The following COLEC12 variants were observed in gnomAD, a reference collection of about 807,000 sequenced individuals.
The protein encoded by COLEC12 is collectin-12.
COLEC12 carries 33 observed loss-of-function variants against 71.1 expected under a neutral mutation model. That is an observed-to-expected ratio of 0.46 (90% CI 0.35 to 0.62). The LOEUF (loss-of-function observed/expected upper bound fraction) is 0.62, where lower values mean the gene tolerates loss of function less well. Ranked by LOEUF, COLEC12 falls within the 20% of genes least tolerant of loss-of-function variation. The pLI is 0.00. For missense variants in COLEC12, 765 were observed against 916.1 expected (o/e 0.84, Z 2.13); for synonymous variants, 350 against 353.0 (o/e 0.99, Z 0.10).
At chr18:474,645 C>T (rs760741534) in intron 2 of COLEC12, among the ~76,000 whole-genome samples, 5 of 152,188 alleles carry the variant, frequency 3.3e-5, no homozygotes, top group Non-Finnish European at 7.4e-5. Flanking sequence ...CGTTTAGGAG[C>T]TCCACCTGCC....
rs1598354318 is a variant in COLEC12, at chr18:408,954, T to TC, written c.59-51433dup. 6.6e-6 allele frequency among the ~76,000 whole-genome samples: 1 copy of TC among 152,124 alleles called. No individual in the cohort carries two copies. Among genetic ancestry groups the TC allele is most frequent in the Admixed American group, 6.5e-5 (1 of 15,278 alleles). ...TTCAAGTGATTCTCATGCCTCAGAC[T>TC]CCTGAGTAGCTGGTATTACAGGCAC... is the stretch of plus-strand genomic sequence containing the variant. On this transcript the variant is annotated intron_variant, in intron 2 of 9. Coordinates refer to ENST00000400256, the MANE Select transcript of COLEC12 (RefSeq NM_130386.3). This position sits in a 1 kb window ranked among gnomAD's most constrained non-coding sequence, Gnocchi z 4.3.
chr18:428,853 A>T (rs1397509439), intron 2 of COLEC12, among the ~76,000 whole-genome samples: 1 of 148,654 alleles, frequency 6.7e-6, no homozygotes, highest in African/African-American at 2.4e-5. Context: ...GACTTGCTCA[A>T]GAGCAAATTT....
rs1914380774 is a variant in COLEC12 at position 346,675 on chromosome 18, T to C, written c.947A>G (p.Asp316Gly). Residue 316 changes from aspartate (D) to glycine (G), a missense_variant, in exon 5 of 10, where the codon GAC becomes GGC. Transcript: ENST00000400256. This position sits in a 1 kb window ranked among gnomAD's most constrained non-coding sequence, Gnocchi z 4.0. ...TCTATTCTCTGCATCTTTGTGTAAG[T>C]CCTGCAGGTCTTTCAGGTTCTGCTC... The part of the protein sequence containing the change: ...ANEQNLKDLQ[D>G]LHKDAENRTA... The C allele has an allele frequency of 2.5e-6, 4 of 1,614,222 alleles. No homozygotes were observed. In the East Asian group the frequency reaches 8.9e-5, roughly 36 times the overall value.
chr18:395,854 T>C (rs1434649204), intron 2 of COLEC12, among the ~76,000 whole-genome samples: 1 of 152,160 alleles, frequency 6.6e-6, no homozygotes, highest in Non-Finnish European at 1.5e-5. Flanking sequence ...GAAAAGCACA[T>C]GTCACATCTG....
intron 2 of COLEC12, among the ~76,000 whole-genome samples, chr18:474,902 G>A (rs534277193): frequency 1.8e-4 from 27 of 151,998 alleles, no homozygotes; most frequent in African/African-American, 5.3e-4. Context: ...ATAAAACCCC[G>A]TCTCTACTAA....
intron 2 of COLEC12, among the ~76,000 whole-genome samples, chr18:443,547 G>T (rs1916586317): frequency 6.6e-6 from 1 of 152,204 alleles, no homozygotes; most frequent in Admixed American, 6.5e-5. Context: ...GTTTGTTTGT[G>T]AACTTTAAGG....
At chr18:453,543 A>C (rs1053867657) in intron 2 of COLEC12, among the ~76,000 whole-genome samples, 1 of 152,102 alleles carries the variant, frequency 6.6e-6, no homozygotes, top group Non-Finnish European at 1.5e-5. Flanking sequence ...GTCAGCGCTA[A>C]ATGCTAAGTT....
At chr18:422,802 G>T (rs544686176) in intron 2 of COLEC12, among the ~76,000 whole-genome samples, 1 of 152,272 alleles carries the variant, frequency 6.6e-6, no homozygotes, top group South Asian at 2.1e-4. Context: ...TGAAACCCAT[G>T]AGATAAAACG....
At chr18:422,156 T>G (rs1916111510) in intron 2 of COLEC12, among the ~76,000 whole-genome samples, 1 of 152,192 alleles carries the variant, frequency 6.6e-6, no homozygotes, top group South Asian at 2.1e-4. Flanking sequence ...TTTGTCCCTT[T>G]TCAGTCAAGA....
rs775704492 is a variant in COLEC12, at chr18:347,225, T to C, written c.397A>G (p.Lys133Glu). 2 of 1,614,160 alleles carry C rather than the reference T, an allele frequency of 1.2e-6. No individual in the cohort carries two copies. The highest frequency in any genetic ancestry group is 1.7e-6 in the Non-Finnish European group (2 of 1,180,040). ...GCCTGTAACTTCTCCAGCGTATCCT[T>C]GTTCTTGCTGGTTTTTTCTGTAATC... ...REITEKTSKN[K>E]DTLEKLQASG... is the part of the protein sequence containing the mutation. Residue 133 changes from lysine (K) to glutamate (E), a missense_variant, in exon 5 of 10, where the codon AAG (lysine) becomes GAG (glutamate). Physicochemically the swap from Lys to Glu is moderately conservative, Grantham distance 56. Coordinates refer to ENST00000400256, the MANE Select transcript of COLEC12 (RefSeq NM_130386.3).
intron 2 of COLEC12, among the ~76,000 whole-genome samples, chr18:396,571 T>C (rs1915576590): frequency 6.6e-6 from 1 of 152,260 alleles, no homozygotes; most frequent in Admixed American, 6.5e-5. Context: ...TCTCTTTTTC[T>C]GGTTTTGGCT....
rs545097605 is a variant in COLEC12 at position 435,825 on chromosome 18, C to T, written c.58+44882G>A. Among the ~76,000 whole-genome samples, 5 of 152,280 alleles carry T rather than the reference C, an allele frequency of 3.3e-5. No individual in the cohort carries two copies. The East Asian group carries it at 5.8e-4, about 18-fold the overall frequency. On this transcript the variant is annotated intron_variant, in intron 2 of 9. Transcript: ENST00000400256. ...TGCAAAAAGTGTAGAAAGATAATAA[C>T]TATTATATTGATGGGTCAGCCTGAA...
At chr18:322,495 A>C (rs1451776813) in intron 8 of COLEC12, among the ~76,000 whole-genome samples, 1 of 152,260 alleles carries the variant, frequency 6.6e-6, no homozygotes, top group African/African-American at 2.4e-5. Flanking sequence ...GGATGAGTTC[A>C]CATGGGGCTT....
At chr18:459,333 T>C (rs1217722353) in intron 2 of COLEC12, among the ~76,000 whole-genome samples, 1 of 152,236 alleles carries the variant, frequency 6.6e-6, no homozygotes, top group Non-Finnish European at 1.5e-5. Flanking sequence ...CAATCTGCCA[T>C]AAGTCTGGAA....
rs181263935 is a variant in COLEC12, at chr18:318,948, C to T, written c.*1097G>A. The T allele has an allele frequency of 6.8e-6, 1 of 147,242 alleles. No homozygotes were observed. The highest frequency in any genetic ancestry group is 6.8e-5 in the Admixed American group (1 of 14,676). The allele number at this position is 147,242 out of a possible 1,614,324, so 9.1% of individuals were successfully genotyped here. A position where few individuals can be genotyped will look rare whatever the true frequency, so the allele number is the denominator to read the frequency against. On this transcript the variant is annotated 3_prime_UTR_variant, in exon 10 of 10. Coordinates refer to ENST00000400256, the MANE Select transcript of COLEC12 (RefSeq NM_130386.3). ...GTTCCCATCTTTCTAGCATCTCTGCCTTTGGCTGATGTGACGCCATACGTT... is the reference window on the plus strand; with the variant it reads ...GTTCCCATCTTTCTAGCATCTCTGCTTTTGGCTGATGTGACGCCATACGTT...
At chr18:343,154 C>A (rs1218137932) in intron 5 of COLEC12, among the ~76,000 whole-genome samples, 1 of 152,180 alleles carries the variant, frequency 6.6e-6, no homozygotes, top group Non-Finnish European at 1.5e-5. Context: ...CACCCCCAAT[C>A]CCTACAACAC....
At chr18:475,031 G>A (rs183074079) in intron 2 of COLEC12, among the ~76,000 whole-genome samples, 2,309 of 151,926 alleles carry the variant, frequency 0.015, 58 homozygotes, top group Non-Finnish European at 0.016. Flanking sequence ...CCGAGATCGC[G>A]CCACTGCACT....
chr18:439,423 G>C (rs938051866), intron 2 of COLEC12, among the ~76,000 whole-genome samples: 1 of 150,618 alleles, frequency 6.6e-6, no homozygotes, highest in African/African-American at 2.4e-5. Context: ...AACACACACA[G>C]AGAGAATTAT....
chr18:350,536 A>G (rs1473707463), intron 3 of COLEC12, among the ~76,000 whole-genome samples: 1 of 152,200 alleles, frequency 6.6e-6, no homozygotes, highest in African/African-American at 2.4e-5. Context: ...AAAATGTTAA[A>G]TAAGAGGATG....
Sources: allele counts gnomAD v4.1 joint callset (sites outside exome capture counted in the v4.1 genomes callset), GRCh38; gene constraint gnomAD v4.1.1; non-coding constraint Gnocchi (gnomAD v3.1); transcripts MANE v1.5; gene names NCBI Gene and HGNC (gene_info 2026-07-23, HGNC 2026-07-21).